Variants in NDRG1 observed in about 807,000 individuals in gnomAD.
NDRG1 encodes protein NDRG1.
In NDRG1, 32 loss-of-function variants were observed where a neutral mutation model predicts 56.9. The observed-to-expected ratio is 0.56, with a 90% CI of 0.42 to 0.76. The LOEUF (loss-of-function observed/expected upper bound fraction) is 0.76. Among genes scored for constraint, NDRG1 ranks in the 30% least tolerant of loss-of-function variants. NDRG1 has a pLI of 0.00. For synonymous variants in NDRG1, 211 were observed against 204.1 expected (o/e 1.03, Z -0.29); for missense variants, 507 against 545.7 (o/e 0.93, Z 0.71).
intron 4 of NDRG1, among the ~76,000 whole-genome samples, chr8:133,262,904 G>C (rs1856729087): frequency 2.6e-5 from 4 of 152,200 alleles, no homozygotes; most frequent in Admixed American, 2.6e-4. Context: ...TGCAGCCCCA[G>C]GGGATGGCAA....
At chr8:133,276,029 AG>A (rs1282114340) in intron 3 of NDRG1, among the ~76,000 whole-genome samples, 1 of 152,262 alleles carries the variant, frequency 6.6e-6, no homozygotes, top group Non-Finnish European at 1.5e-5. Flanking sequence ...AAAGAAATAA[AG>A]GAAGGCACAA....
intron 2 of NDRG1, chr8:133,280,858 G>A (rs1412529662): frequency 1.3e-5 from 2 of 153,270 alleles, no homozygotes; most frequent in Admixed American, 6.5e-5. Context: ...ACAAGCTTGA[G>A]AGATACAGAA....
chr8:133,239,263 C>A, intron 15 of NDRG1, 144 bp from the exon 16 acceptor site: 1 of 1,317,158 alleles, frequency 7.6e-7, no homozygotes, highest in Non-Finnish European at 1.0e-6. Flanking sequence ...GCTGGGCCCC[C>A]GTCCTCTCCA....
At chr8:133,255,491 T>A in intron 8 of NDRG1, 1 of 416,470 alleles carries the variant, frequency 2.4e-6, no homozygotes, top group South Asian at 1.7e-5. Flanking sequence ...AGGCTTCACA[T>A]TAGCCAGTGG....
intron 1 of NDRG1, among the ~76,000 whole-genome samples, chr8:133,292,338 C>T (rs1358057929): frequency 2.0e-5 from 3 of 152,294 alleles, no homozygotes; most frequent in South Asian, 2.1e-4. Flanking sequence ...TTCCACCCTC[C>T]GGAATGGGCC....
chr8:133,237,279 C>G lies in NDRG1; in HGVS notation c.*1599G>C. On this transcript the variant is annotated 3_prime_UTR_variant, in exon 16 of 16. Coordinates refer to ENST00000323851, the MANE Select transcript of NDRG1 (RefSeq NM_006096.4). The stretch of plus-strand genomic sequence containing the variant: ...ATAGTTTCCCATCCGTACTCAGCCT[C>G]TCTTGCCCCGATCCCCGACTTTTCT... 1 of 231,202 alleles carries G rather than the reference C, an allele frequency of 4.3e-6. No individual in the cohort carries two copies. 14.3% of individuals were successfully genotyped at this position (231,202 alleles called of 1,614,324 possible). A position where few individuals can be genotyped will look rare whatever the true frequency, so the allele number is the denominator to read the frequency against.
At chr8:133,244,310 G>A in intron 14 of NDRG1, 45 bp downstream of exon 14, 1 of 1,612,212 alleles carries the variant, frequency 6.2e-7, no homozygotes, top group South Asian at 1.1e-5. Flanking sequence ...CTCCACCCAG[G>A]GGGAAGCGAC....
intron 10 of NDRG1, among the ~76,000 whole-genome samples, chr8:133,249,802 A>C (rs1855908806): frequency 6.6e-6 from 1 of 152,238 alleles, no homozygotes; most frequent in South Asian, 2.1e-4. Flanking sequence ...TCACTTTATT[A>C]ACATTTGAGC....
intron 8 of NDRG1, among the ~76,000 whole-genome samples, chr8:133,256,541 C>T (rs560421429): frequency 2.0e-5 from 3 of 152,290 alleles, no homozygotes; most frequent in East Asian, 3.9e-4. Flanking sequence ...ACCTGTGTCC[C>T]AGTGCTTTCC....
At chr8:133,249,236 TC>T in intron 10 of NDRG1, 1 of 246,040 alleles carries the variant, frequency 4.1e-6, no homozygotes, top group African/African-American at 2.2e-5. Flanking sequence ...ATTCCCTGTC[TC>T]AAACCCTGTG....
chr8:133,262,117 T>C lies in NDRG1; in HGVS notation c.256A>G (p.Thr86Ala). 6.2e-7 allele frequency: 1 copy of C among 1,614,032 alleles called. No homozygotes were observed. The highest frequency in any genetic ancestry group is 8.5e-7 in the Non-Finnish European group (1 of 1,180,012). The part of the protein sequence containing the change: ...LFNYEDMQEI[T>A]QHFAVCHVDA... ...ACGTGGCAGACGGCAAAGTGCTGGG[T>C]GATCTCCTGCATGTCCTCGTAGTTG... Residue 86 changes from threonine to alanine, a missense_variant, in exon 5 of 16, where the codon ACC becomes GCC. Coordinates refer to ENST00000323851, the MANE Select transcript of NDRG1 (RefSeq NM_006096.4).
intron 1 of NDRG1, among the ~76,000 whole-genome samples, chr8:133,296,116 G>A (rs1446127857): frequency 6.6e-6 from 1 of 152,150 alleles, no homozygotes; most frequent in Non-Finnish European, 1.5e-5. Flanking sequence ...AGAACCAGCC[G>A]CATTCCCCAA....
intron 4 of NDRG1, among the ~76,000 whole-genome samples, chr8:133,264,196 G>A (rs997075623): frequency 1.3e-5 from 2 of 152,182 alleles, no homozygotes; most frequent in Non-Finnish European, 2.9e-5. Context: ...ACAGATAAAA[G>A]GTACAGGATT....
chr8:133,257,628 C>T (rs1440613006), intron 7 of NDRG1, among the ~76,000 whole-genome samples: 2 of 152,102 alleles, frequency 1.3e-5, no homozygotes, highest in South Asian at 4.1e-4. Flanking sequence ...CTTATGGAAC[C>T]ACTGTCAAAT....
At position 133,259,382 on chromosome 8, in the gene NDRG1, T is replaced by TA. The variant is rs1028584907; in HGVS notation, c.327-153_327-152insT. The TA allele has an allele frequency of 2.5e-4, 184 of 731,062 alleles. No individual in the cohort carries two copies. In the African/African-American group the frequency reaches 2.8e-3, roughly 11 times the overall value. The allele number at this position is 731,062 out of a possible 1,614,324, so 45.3% of individuals were successfully genotyped here. ...AAGTCTAGTCCCTTCGCATCCTCCT[T>TA]CCAAGACCCCTGCAGCACACTCTAT... On this transcript the variant is annotated intron_variant, in intron 5 of 15. Coordinates refer to ENST00000323851, the MANE Select transcript of NDRG1 (RefSeq NM_006096.4).
At chr8:133,273,169 A>G (rs1447806382) in intron 3 of NDRG1, among the ~76,000 whole-genome samples, 1 of 80,136 alleles carries the variant, frequency 1.2e-5, no homozygotes, top group Non-Finnish European at 3.1e-5. Context: ...TGGTGAGCAC[A>G]CAAACACAGA....
chr8:133,284,337 G>T lies in NDRG1; in HGVS notation c.-18-8C>A. The T allele has an allele frequency of 6.2e-7, 1 of 1,614,036 alleles. No individual in the cohort carries two copies. Among genetic ancestry groups the T allele is most frequent in the Non-Finnish European group, 8.5e-7 (1 of 1,179,960 alleles). On this transcript the variant is annotated splice_region_variant and splice_polypyrimidine_tract_variant and intron_variant, in intron 1 of 15. Coordinates refer to ENST00000323851, the MANE Select transcript of NDRG1 (RefSeq NM_006096.4). ...GTCCCTGCTGTCACCTGCCTGCAAGGAGACAAAGGCCAAAAGGTCAACACT... is the reference window on the plus strand; with the variant it reads ...GTCCCTGCTGTCACCTGCCTGCAAGTAGACAAAGGCCAAAAGGTCAACACT...
chr8:133,240,858 CG>C (rs1251509866), intron 15 of NDRG1: 2 of 152,226 alleles, frequency 1.3e-5, no homozygotes, highest in Non-Finnish European at 2.9e-5. Flanking sequence ...GACTGCCCCG[CG>C]GCTGTCTCCA....
rs181121989 is a variant in NDRG1 at position 133,238,975 on chromosome 8, C to A, written c.1088G>T (p.Arg363Leu). Reference sequence around the variant, plus strand: ...GTGGGCCCCCTCGCTGGTGTGCGAGCGGCTGCGGGTGCCCTCGCTGGTGTG... The same window carrying A: ...GTGGGCCCCCTCGCTGGTGTGCGAGAGGCTGCGGGTGCCCTCGCTGGTGTG... ...RSHTSEGTRS[R>L]SHTSEGAHLD... The change falls in exon 16 of 16, where the codon CGC becomes CTC. Residue 363 changes from arginine to leucine, a missense_variant. Physicochemically the swap from Arg to Leu is moderately radical, Grantham distance 102. Transcript: ENST00000323851. The A allele has an allele frequency of 1.9e-6, 3 of 1,589,806 alleles. No homozygotes were observed. The highest frequency in any genetic ancestry group is 2.3e-5 in the South Asian group (2 of 87,174).
Sources: allele counts gnomAD v4.1 joint callset (sites outside exome capture counted in the v4.1 genomes callset), GRCh38; gene constraint gnomAD v4.1.1; transcripts MANE v1.5; gene names NCBI Gene and HGNC (gene_info 2026-07-23, HGNC 2026-07-21).